Variants in MAD1L1 observed in about 807,000 individuals in gnomAD.
MAD1L1 encodes mitotic spindle assembly checkpoint protein MAD1.
A neutral mutation model predicts 96.9 loss-of-function variants in MAD1L1; 95 were observed. That is an observed-to-expected ratio of 0.98 (90% confidence interval 0.83 to 1.16). The LOEUF (loss-of-function observed/expected upper bound fraction) is 1.16. MAD1L1 is among the 50% of genes most tolerant of loss of function. The probability of loss-of-function intolerance (pLI) is 0.00; values close to 1 mark genes in which losing one functional copy is unlikely to be tolerated. For synonymous variants in MAD1L1, 473 were observed against 396.6 expected, an observed-to-expected ratio of 1.19 and a Z score of -2.29; for missense variants, 1,007 against 954.4, an observed-to-expected ratio of 1.06 and a Z score of -0.73.
At chr7:2,209,918 T>A (rs535225568) in intron 10 of MAD1L1, 1 of 152,358 alleles carries the variant, frequency 6.6e-6, no homozygotes, top group South Asian at 2.1e-4. Flanking sequence ...AGCCCTCCCA[T>A]GGGGGCCCCC....
At chr7:2,216,473 T>C (rs1487989049) in intron 7 of MAD1L1, among the ~76,000 whole-genome samples, 186 bp from the exon 8 acceptor site, 5 of 152,156 alleles carry the variant, frequency 3.3e-5, no homozygotes, top group Non-Finnish European at 7.4e-5. Flanking sequence ...GAGGCAGGGA[T>C]TGACTGGGGG....
intron 10 of MAD1L1, among the ~76,000 whole-genome samples, chr7:2,161,930 T>TG (rs1388195157): frequency 1.5e-5 from 2 of 132,412 alleles, no homozygotes; most frequent in East Asian, 4.4e-4. Flanking sequence ...GTCCGGGAGG[T>TG]GGGGGGCAGC....
chr7:2,044,930 T>G (rs201258000), intron 12 of MAD1L1, among the ~76,000 whole-genome samples: 1 of 151,974 alleles, frequency 6.6e-6, no homozygotes, highest in East Asian at 1.9e-4. Context: ...GCCTGTCACC[T>G]CCCCACTCTG....
At chr7:2,113,226 G>T (rs1302712964) in intron 11 of MAD1L1, among the ~76,000 whole-genome samples, 1 of 152,250 alleles carries the variant, frequency 6.6e-6, no homozygotes, top group Non-Finnish European at 1.5e-5. Context: ...TGGGGCCATG[G>T]TGACAAGCCC....
chr7:1,946,834 G>A (rs188937512), intron 16 of MAD1L1, among the ~76,000 whole-genome samples: 167 of 152,390 alleles, frequency 1.1e-3, no homozygotes, highest in Admixed American at 1.7e-3. Context: ...CCCAGAGAGG[G>A]TGCGGGTGCT....
intron 10 of MAD1L1, among the ~76,000 whole-genome samples, chr7:2,157,887 T>C (rs1656761402): frequency 6.6e-6 from 1 of 152,222 alleles, no homozygotes; most frequent in African/African-American, 2.4e-5. Context: ...ATTAGCTAAG[T>C]GCTCGTAACC....
chr7:2,217,199 G>C (rs1322995417), intron 7 of MAD1L1, among the ~76,000 whole-genome samples: 2 of 152,206 alleles, frequency 1.3e-5, no homozygotes, highest in Non-Finnish European at 2.9e-5. Context: ...ACGGTACCCA[G>C]TCCCCTTGGG....
intron 17 of MAD1L1, among the ~76,000 whole-genome samples, chr7:1,909,380 A>G (rs1307758536): frequency 1.3e-5 from 2 of 152,228 alleles, no homozygotes; most frequent in East Asian, 3.8e-4. Flanking sequence ...GCAAGCTTCT[A>G]AACTATTTCA....
chr7:1,914,020 T>TC (rs34116866), intron 17 of MAD1L1, among the ~76,000 whole-genome samples: 14,014 of 151,200 alleles, frequency 0.093, 2,117 homozygotes, highest in African/African-American at 0.32. Flanking sequence ...TGGGCAGGTC[T>TC]CCCCCCCCAG....
chr7:2,069,926 A>C (rs530979721), intron 11 of MAD1L1, among the ~76,000 whole-genome samples: 6 of 152,162 alleles, frequency 3.9e-5, no homozygotes, highest in African/African-American at 1.4e-4. Context: ...TTTTCCCTGC[A>C]TGGTCCCCAC....
At chr7:2,098,045 G>A (rs1312383474) in intron 11 of MAD1L1, among the ~76,000 whole-genome samples, 1 of 152,174 alleles carries the variant, frequency 6.6e-6, no homozygotes, top group African/African-American at 2.4e-5. Context: ...GGAAGGCAGC[G>A]GAATCACTCA....
intron 11 of MAD1L1, among the ~76,000 whole-genome samples, chr7:2,074,338 A>T (rs911047025): frequency 6.6e-6 from 1 of 151,738 alleles, no homozygotes; most frequent in East Asian, 1.9e-4. Context: ...GGACGCAGTG[A>T]CTTCAGGAAG....
chr7:2,220,894 G>C (rs1389046217), intron 5 of MAD1L1: 1 of 1,610,802 alleles, frequency 6.2e-7, no homozygotes. Flanking sequence ...CGTGTGCCAG[G>C]GGCAAGGCCA....
At chr7:2,081,253 G>A (rs1292273641) in intron 11 of MAD1L1, among the ~76,000 whole-genome samples, 2 of 152,188 alleles carry the variant, frequency 1.3e-5, no homozygotes, top group Non-Finnish European at 2.9e-5. Context: ...TGTGGGCAGA[G>A]GAGTCACTTG....
chr7:1,946,694 G>T (rs959141200), intron 16 of MAD1L1, among the ~76,000 whole-genome samples: 1 of 152,236 alleles, frequency 6.6e-6, no homozygotes, highest in African/African-American at 2.4e-5. Context: ...GGCAGGGCAG[G>T]TCCCCGGCCA....
intron 18 of MAD1L1, among the ~76,000 whole-genome samples, chr7:1,841,596 A>G (rs952080702): frequency 7.9e-5 from 12 of 152,190 alleles, no homozygotes; most frequent in Admixed American, 7.8e-4. Flanking sequence ...AGAGCCTCCC[A>G]GGTGAGTGGC....
intron 17 of MAD1L1, among the ~76,000 whole-genome samples, chr7:1,914,215 G>A (rs1052354504): frequency 1.3e-5 from 2 of 152,342 alleles, no homozygotes; most frequent in African/African-American, 4.8e-5. Context: ...AGGAGATGGC[G>A]CTGTGATGGG....
At chr7:2,190,531 C>T (rs554171710) in intron 10 of MAD1L1, among the ~76,000 whole-genome samples, 8 of 152,256 alleles carry the variant, frequency 5.3e-5, no homozygotes, top group East Asian at 1.9e-4. Context: ...AAGGAAGCCA[C>T]GTACCGGGAG....
intron 12 of MAD1L1, among the ~76,000 whole-genome samples, chr7:2,043,658 C>T (rs1783792595): frequency 6.6e-6 from 1 of 152,188 alleles, no homozygotes; most frequent in Non-Finnish European, 1.5e-5. Flanking sequence ...GCTGGGGATC[C>T]AGACTGGCTG....
Sources: allele counts gnomAD v4.1 joint callset (sites outside exome capture counted in the v4.1 genomes callset), GRCh38; gene constraint gnomAD v4.1.1; transcripts MANE v1.5; gene names NCBI Gene and HGNC (gene_info 2026-07-23, HGNC 2026-07-21).